Variants in CHKA observed in about 807,000 individuals in gnomAD.
CHKA encodes choline kinase alpha, also known as CHETK-alpha.
A neutral mutation model predicts 60.1 loss-of-function variants in CHKA; 34 were observed. The observed-to-expected ratio is 0.57, with a 90% CI of 0.43 to 0.75. CHKA has a LOEUF of 0.75. Among genes scored for constraint, CHKA ranks in the 30% least tolerant of loss-of-function variants. CHKA has a pLI of 0.00. For missense variants in CHKA, 563 were observed against 561.3 expected, an observed-to-expected ratio of 1.00 and a Z score of -0.03; for synonymous variants, 217 against 223.1, an observed-to-expected ratio of 0.97 and a Z score of 0.24.
At chr11:68,100,644 AAAC>A (rs1167428307) in intron 1 of CHKA, among the ~76,000 whole-genome samples, 1 of 150,288 alleles carries the variant, frequency 6.7e-6, no homozygotes, top group African/African-American at 2.4e-5. Flanking sequence ...TACAAGAGCG[AAAC>A]ATCATCTCCA....
chr11:68,084,376 ATGTG>A (rs762321561), intron 2 of CHKA, among the ~76,000 whole-genome samples: 1 of 124,550 alleles, frequency 8.0e-6, no homozygotes, highest in African/African-American at 2.9e-5. Flanking sequence ...ATATACGTAT[ATGTG>A]TATATATATA....
intron 2 of CHKA, among the ~76,000 whole-genome samples, chr11:68,082,688 G>A (rs1276822637): frequency 6.6e-6 from 1 of 152,184 alleles, no homozygotes; most frequent in East Asian, 1.9e-4. Context: ...AACAGTACAT[G>A]TAATATAAAA....
At chr11:68,078,703 C>T (rs947182179) in intron 3 of CHKA, among the ~76,000 whole-genome samples, 6 of 152,150 alleles carry the variant, frequency 3.9e-5, no homozygotes, top group African/African-American at 1.4e-4. Context: ...TGAGAAAACA[C>T]TAGACAAGCT....
chr11:68,081,893 C>A (rs2134594920), intron 2 of CHKA: 1 of 156,224 alleles, frequency 6.4e-6, no homozygotes, highest in Admixed American at 6.3e-5. Context: ...CAGCTGTGGT[C>A]AGCACAGAAC....
chr11:68,061,204 T>TCAAGCGGTTCTCCTGCCTC (rs1401856585), intron 11 of CHKA, among the ~76,000 whole-genome samples: 1 of 147,706 alleles, frequency 6.8e-6, no homozygotes, highest in East Asian at 2.1e-4. Context: ...CCTCCTGGGT[T>TCAAGCGGTTCTCCTGCCTC]CAAGCGGTTC....
rs767350207 is a variant in CHKA, at chr11:68,070,863, A to G, written c.631-6T>C. The G allele has an allele frequency of 6.2e-7, 1 of 1,606,396 alleles. No individual in the cohort carries two copies. The highest frequency in any genetic ancestry group is 8.5e-7 in the Non-Finnish European group (1 of 1,174,578). The stretch of plus-strand genomic sequence containing the variant: ...TCAGTATCTAATCGCCGGCTCTGAA[A>G]AAGAAAAGGGAGTTAAAAACTGACA... On this transcript the variant is annotated splice_polypyrimidine_tract_variant and splice_region_variant and intron_variant, in intron 4 of 11. Transcript: ENST00000265689.
In CHKA at chr11:68,070,247, T is replaced by C. The variant is rs765871099; in HGVS notation, c.811A>G (p.Ile271Val). The C allele has an allele frequency of 6.2e-7, 1 of 1,614,178 alleles. No homozygotes were observed. Among genetic ancestry groups the C allele is most frequent in the African/African-American group, 1.3e-5 (1 of 75,056 alleles). The change falls in exon 6 of 12, where the codon ATT becomes GTT. Residue 271 changes from isoleucine to valine, a missense_variant. Physicochemically the swap from Ile to Val is conservative, Grantham distance 29 (BLOSUM62 3). Coordinates refer to ENST00000265689, the MANE Select transcript of CHKA (RefSeq NM_001277.3). ...CTGAGCAATTTGTGGAGCTTTTTAA[T>C]TCTGGATTCCTCAGTAAATTTAATT... ...LRIKFTEESR[I>V]KKLHKLLSYN...
At chr11:68,064,500 C>T (rs764225688) in intron 10 of CHKA, 25 bp downstream of exon 10, 1 of 1,228,184 alleles carries the variant, frequency 8.1e-7, no homozygotes, top group Non-Finnish European at 1.2e-6. Flanking sequence ...GCTATCTTTA[C>T]AAATCAAAAA....
At chr11:68,069,864 CCCTT>C (rs1391485974) in intron 6 of CHKA, among the ~76,000 whole-genome samples, 1 of 152,094 alleles carries the variant, frequency 6.6e-6, no homozygotes, top group East Asian at 1.9e-4. Context: ...CCCCAGCCTG[CCCTT>C]ACTCCCTTCT....
chr11:68,070,361 C>A (rs928641619), intron 5 of CHKA, 68 bp from the exon 6 acceptor site: 3 of 1,180,092 alleles, frequency 2.5e-6, no homozygotes, highest in Non-Finnish European at 3.8e-6. Flanking sequence ...GCTTGCTGTT[C>A]TTGGGGCTTT....
chr11:68,110,511 A>C (rs1021979604), intron 1 of CHKA, among the ~76,000 whole-genome samples: 1 of 152,164 alleles, frequency 6.6e-6, no homozygotes, highest in African/African-American at 2.4e-5. Context: ...GAGCACCCCC[A>C]AAAATGAAAT....
At chr11:68,098,447 T>C (rs1467565193) in intron 1 of CHKA, among the ~76,000 whole-genome samples, 1 of 152,056 alleles carries the variant, frequency 6.6e-6, no homozygotes, top group East Asian at 1.9e-4. Context: ...GGCTTAAAAC[T>C]GAAAACAGAT....
intron 2 of CHKA, among the ~76,000 whole-genome samples, 184 bp downstream of exon 2, chr11:68,096,835 C>A (rs1173793023): frequency 2.0e-5 from 3 of 152,080 alleles, no homozygotes; most frequent in African/African-American, 4.8e-5. Context: ...CTAAAAAAAA[C>A]ACGAATTAAC....
chr11:68,098,042 C>A (rs1425438656), intron 1 of CHKA, among the ~76,000 whole-genome samples: 1 of 152,066 alleles, frequency 6.6e-6, no homozygotes, highest in East Asian at 1.9e-4. Context: ...GAGGCCAAGG[C>A]AGGTGGATCA....
chr11:68,072,428 TC>T (rs1856648321), intron 4 of CHKA, among the ~76,000 whole-genome samples: 1 of 151,686 alleles, frequency 6.6e-6, no homozygotes, highest in African/African-American at 2.4e-5. Context: ...GTGCCTGTAG[TC>T]CCAGCTACTC....
chr11:68,107,310 C>T (rs1857950293), intron 1 of CHKA, among the ~76,000 whole-genome samples: 1 of 152,068 alleles, frequency 6.6e-6, no homozygotes, highest in Admixed American at 6.6e-5. Context: ...AATCACCCCA[C>T]TATTCCTCTA....
At chr11:68,097,635 C>CA (rs386374052) in intron 1 of CHKA, among the ~76,000 whole-genome samples, 3,601 of 111,816 alleles carry the variant, frequency 0.032, 165 homozygotes, top group African/African-American at 0.088. Context: ...GACTCCGTCT[C>CA]AAAAAAAAAA....
intron 1 of CHKA, among the ~76,000 whole-genome samples, chr11:68,114,622 G>A (rs540774017): frequency 2.8e-4 from 43 of 151,950 alleles, no homozygotes; most frequent in Admixed American, 2.6e-3. Flanking sequence ...GCCTGAACCC[G>A]GAAGGCGGAG....
intron 3 of CHKA, among the ~76,000 whole-genome samples, chr11:68,080,304 T>C (rs1040917790): frequency 1.4e-4 from 21 of 152,222 alleles, no homozygotes; most frequent in African/African-American, 5.1e-4. Flanking sequence ...ATCACTTTCA[T>C]TCCTTTTTTA....
Sources: allele counts gnomAD v4.1 joint callset (sites outside exome capture counted in the v4.1 genomes callset), GRCh38; gene constraint gnomAD v4.1.1; transcripts MANE v1.5; gene names NCBI Gene and HGNC (gene_info 2026-07-23, HGNC 2026-07-21).